LYPD2: variants seen among roughly 807,000 people sequenced by gnomAD.
LYPD2 encodes ly6/PLAUR domain-containing protein 2.
Under a neutral mutation model 7.1 loss-of-function variants are expected in LYPD2, and 5 were observed. The ratio of observed to expected loss-of-function variants is 0.70; its 90% CI spans 0.37 to 1.48. The LOEUF is 1.48. Among genes scored for constraint, LYPD2 ranks in the 40% most tolerant of loss-of-function variants. The pLI is 0.03. For synonymous variants in LYPD2, 78 were observed against 82.0 expected, an observed-to-expected ratio of 0.95 and a Z score of 0.26; for missense variants, 177 against 171.0, an observed-to-expected ratio of 1.04 and a Z score of -0.20.
chr8:142,750,230 C>G lies in LYPD2; in HGVS notation c.*53G>C. 2.0e-6 allele frequency: 3 copies of G among 1,497,656 alleles called. No individual in the cohort carries two copies. Among genetic ancestry groups the G allele is most frequent in the Non-Finnish European group, 2.7e-6 (3 of 1,106,416 alleles). 92.8% of individuals were successfully genotyped at this position (1,497,656 alleles called of 1,614,324 possible). On this transcript the variant is annotated 3_prime_UTR_variant, in exon 3 of 3. Transcript: ENST00000359228. ...AGGAGTCCTGGTGCAGGGGGCACTT[C>G]TTCAAGGCATTCGGGGCTGGGCCGC...
intron 2 of LYPD2, 70 bp downstream of exon 2, chr8:142,750,981 T>C: frequency 1.3e-6 from 2 of 1,599,964 alleles, no homozygotes; most frequent in Non-Finnish European, 1.7e-6. Flanking sequence ...CTCCTGGGAG[T>C]AGAGTGTGAC....
In LYPD2 at chr8:142,750,197, GGA is replaced by G. The variant is rs1814669677; in HGVS notation, c.*84_*85del. The G allele has an allele frequency of 1.7e-6, 2 of 1,203,130 alleles. No individual in the cohort carries two copies. The highest frequency in any genetic ancestry group is 2.1e-5 in the Admixed American group (1 of 48,684). 74.5% of individuals were successfully genotyped at this position (1,203,130 alleles called of 1,614,324 possible). A position where few individuals can be genotyped will look rare whatever the true frequency, so the allele number is the denominator to read the frequency against. On this transcript the variant is annotated 3_prime_UTR_variant, in exon 3 of 3. Coordinates refer to ENST00000359228, the MANE Select transcript of LYPD2 (RefSeq NM_205545.3). ...AGCAGGGCAGGTCTGTGCCCAGAAAGGAGACTCAGGAGTCCTGGTGCAGGGGG... is the reference window on the plus strand; with the variant it reads ...AGCAGGGCAGGTCTGTGCCCAGAAAGGACTCAGGAGTCCTGGTGCAGGGGG...
At chr8:142,752,082 C>A (rs1384578768) in intron 1 of LYPD2, among the ~76,000 whole-genome samples, 2 of 152,096 alleles carry the variant, frequency 1.3e-5, no homozygotes, top group Non-Finnish European at 2.9e-5. Context: ...CGCTCAAGGC[C>A]CTTCTGGGTG....
intron 1 of LYPD2, 23 bp from the exon 2 acceptor site, chr8:142,751,193 G>A: frequency 6.2e-7 from 1 of 1,612,410 alleles, no homozygotes; most frequent in Non-Finnish European, 8.5e-7. Context: ...GACAAGGGCG[G>A]TCAGGCAGGC....
chr8:142,752,261 C>T, intron 1 of LYPD2, 133 bp downstream of exon 1: 1 of 943,286 alleles, frequency 1.1e-6, no homozygotes. Flanking sequence ...GGGGGGGCCA[C>T]ACCCCCGGCC....
At chr8:142,750,905 G>T in intron 2 of LYPD2, 146 bp downstream of exon 2, 1 of 1,427,244 alleles carries the variant, frequency 7.0e-7, no homozygotes, top group Non-Finnish European at 9.6e-7. Flanking sequence ...GGCTGGTGGT[G>T]ACTGGGCTGG....
At chr8:142,751,307 G>T in intron 1 of LYPD2, 137 bp from the exon 2 acceptor site, 2 of 1,212,228 alleles carry the variant, frequency 1.6e-6, no homozygotes, top group Non-Finnish European at 2.3e-6. Context: ...AAACTCAGGA[G>T]CAATGCCAGG....
At chr8:142,750,634 C>T (rs1814683069) in intron 2 of LYPD2, 152 bp from the exon 3 acceptor site, 3 of 781,932 alleles carry the variant, frequency 3.8e-6, no homozygotes, top group African/African-American at 1.7e-5. Flanking sequence ...CCTCTCTCCT[C>T]CCACCGACGT....
chr8:142,751,194 T>A, intron 1 of LYPD2, 24 bp from the exon 2 acceptor site: 1 of 1,611,990 alleles, frequency 6.2e-7, no homozygotes, highest in Non-Finnish European at 8.5e-7. Flanking sequence ...ACAAGGGCGG[T>A]CAGGCAGGCT....
rs1331103690 is a variant in LYPD2 at position 142,751,102 on chromosome 8, A to G, written c.127T>C (p.Cys43Arg). The change falls in exon 2 of 3, where the codon TGC becomes CGC. Residue 43 changes from cysteine (C) to arginine (R), a missense_variant. Coordinates refer to ENST00000359228, the MANE Select transcript of LYPD2 (RefSeq NM_205545.3). ...TTGCACATGGTTTCGTTGGTGGTGC[A>G]GGTGGCGATGGTGACACAGTCCGAC... is the stretch of plus-strand genomic sequence containing the variant. ...GVSDCVTIAT[C>R]TTNETMCKTT... 6.8e-6 allele frequency: 11 copies of G among 1,614,098 alleles called. No individual in the cohort carries two copies. Among genetic ancestry groups the G allele is most frequent in the Non-Finnish European group, 9.3e-6 (11 of 1,180,042 alleles).
At chr8:142,752,253 G>C in intron 1 of LYPD2, 141 bp downstream of exon 1, 1 of 839,366 alleles carries the variant, frequency 1.2e-6, no homozygotes, top group Non-Finnish European at 1.8e-6. Flanking sequence ...CTTATGGCGG[G>C]GGGGCCACAC....
At chr8:142,751,516 G>A (rs1159988934) in intron 1 of LYPD2, among the ~76,000 whole-genome samples, 3 of 152,214 alleles carry the variant, frequency 2.0e-5, no homozygotes, top group African/African-American at 4.8e-5. Flanking sequence ...GGAAGCCTTG[G>A]GTGGGGGCGT....
chr8:142,752,481 C>T lies in LYPD2; in HGVS notation c.-30G>A, dbSNP rs1307369399. 1 of 1,611,226 alleles carries T rather than the reference C, an allele frequency of 6.2e-7. No homozygotes were observed. The highest frequency in any genetic ancestry group is 1.3e-5 in the African/African-American group (1 of 75,010). ...CCGGCCCACTCCTCTGTGCTCTCAC[C>T]CCAGGCTTGCCTGGCGGGGACAGCA... On this transcript the variant is annotated 5_prime_UTR_variant, in exon 1 of 3. Transcript: ENST00000359228.
chr8:142,752,419 C>CAGCGCCAGG lies in LYPD2; in HGVS notation c.24_32dup (p.Leu9_Leu11dup), dbSNP rs1289938815. On this transcript the variant is annotated inframe_insertion, in exon 1 of 3. Transcript: ENST00000359228. ...CCAGCTCTCCGCAGGCAGCCAGCAC[C>CAGCGCCAGG]AGCGCCAGGAGCGCCAGCCGCGTCC... 1 of 1,613,526 alleles carries CAGCGCCAGG rather than the reference C, an allele frequency of 6.2e-7. No individual in the cohort carries two copies. The highest frequency in any genetic ancestry group is 2.2e-5 in the East Asian group (1 of 44,866).
intron 1 of LYPD2, among the ~76,000 whole-genome samples, chr8:142,751,427 C>T (rs1263386474): frequency 6.6e-6 from 1 of 152,182 alleles, no homozygotes; most frequent in Non-Finnish European, 1.5e-5. Context: ...AGGAGCCAAG[C>T]CAAGCCCCTT....
At position 142,750,181 on chromosome 8, in the gene LYPD2, G is replaced by A. The variant is rs1181030093; in HGVS notation, c.*102C>T. ...ACGAGGTCAGAGATGCAGCAGGGCA[G>A]GTCTGTGCCCAGAAAGGAGACTCAG... On this transcript the variant is annotated 3_prime_UTR_variant, in exon 3 of 3. Coordinates refer to ENST00000359228, the MANE Select transcript of LYPD2 (RefSeq NM_205545.3). 2.0e-6 allele frequency: 2 copies of A among 994,660 alleles called. No homozygotes were observed. The highest frequency in any genetic ancestry group is 3.2e-5 in the African/African-American group (2 of 62,634). 61.6% of individuals were successfully genotyped at this position (994,660 alleles called of 1,614,324 possible).
chr8:142,752,093 C>T (rs1404778190), intron 1 of LYPD2, among the ~76,000 whole-genome samples: 3 of 152,118 alleles, frequency 2.0e-5, no homozygotes, highest in East Asian at 3.9e-4. Flanking sequence ...CTTCTGGGTG[C>T]CCATAGCCCC....
At position 142,750,203 on chromosome 8, in the gene LYPD2, T is replaced by C; in HGVS notation, c.*80A>G. Reference sequence around the variant, plus strand: ...GCAGGTCTGTGCCCAGAAAGGAGACTCAGGAGTCCTGGTGCAGGGGGCACT... The same window carrying C: ...GCAGGTCTGTGCCCAGAAAGGAGACCCAGGAGTCCTGGTGCAGGGGGCACT... On this transcript the variant is annotated 3_prime_UTR_variant, in exon 3 of 3. Transcript: ENST00000359228. 2.4e-6 allele frequency: 3 copies of C among 1,275,496 alleles called. No individual in the cohort carries two copies. Among genetic ancestry groups the C allele is most frequent in the Non-Finnish European group, 3.3e-6 (3 of 913,270 alleles). 79.0% of individuals were successfully genotyped at this position (1,275,496 alleles called of 1,614,324 possible).
At position 142,752,419 on chromosome 8, in the gene LYPD2, C is replaced by T; in HGVS notation, c.33G>A (p.Leu11=). The T allele has an allele frequency of 6.2e-7, 1 of 1,613,526 alleles. No individual in the cohort carries two copies. Among genetic ancestry groups the T allele is most frequent in the Non-Finnish European group, 8.5e-7 (1 of 1,179,804 alleles). The change falls in exon 1 of 3, where the codon CTG becomes CTA. Residue 11 remains leucine, a synonymous_variant. Coordinates refer to ENST00000359228, the MANE Select transcript of LYPD2 (RefSeq NM_205545.3). MRGTRLALLA[L]VLAACGELAP... The stretch of plus-strand genomic sequence containing the variant: ...CCAGCTCTCCGCAGGCAGCCAGCAC[C>T]AGCGCCAGGAGCGCCAGCCGCGTCC...
Sources: allele counts gnomAD v4.1 joint callset (sites outside exome capture counted in the v4.1 genomes callset), GRCh38; gene constraint gnomAD v4.1.1; transcripts MANE v1.5; gene names NCBI Gene and HGNC (gene_info 2026-07-23, HGNC 2026-07-21).